The following OPHN1 variants were observed in gnomAD, a reference collection of about 807,000 sequenced individuals.
OPHN1 encodes the protein oligophrenin 1.
OPHN1 carries 11 observed loss-of-function variants against 60.7 expected under a neutral mutation model. That is an observed-to-expected ratio of 0.18 (90% CI 0.11 to 0.30). The LOEUF (loss-of-function observed/expected upper bound fraction) is 0.30. OPHN1 is among the 10% of genes least tolerant of loss of function. OPHN1 has a pLI of 1.00. For missense variants in OPHN1, 449 were observed against 611.0 expected, an observed-to-expected ratio of 0.73 and a Z score of 2.80; for synonymous variants, 226 against 222.6, an observed-to-expected ratio of 1.02 and a Z score of -0.14.
In OPHN1 at chrX:68,282,243, A is replaced by G. The variant is rs1212518241; in HGVS notation, c.312+813T>C. 5.1e-3 allele frequency among the ~76,000 whole-genome samples: 572 copies of G among 112,396 alleles called. 4 individuals carry two copies. The highest frequency in any genetic ancestry group is 0.018 in the African/African-American group (543 of 31,001). On this transcript the variant is annotated intron_variant, in intron 4 of 24. Transcript: ENST00000355520. ...TGGGATATTACTTAATGATAAAAATAAATGACAGGAAAATAAAATGCATAT... is the reference window on the plus strand; with the variant it reads ...TGGGATATTACTTAATGATAAAAATGAATGACAGGAAAATAAAATGCATAT...
In OPHN1 at chrX:68,046,049, T is replaced by G. The variant is rs956705718; in HGVS notation, c.*1123A>C. 25 of 105,981 alleles carry G rather than the reference T, an allele frequency of 2.4e-4. No individual in the cohort carries two copies. The highest frequency in any genetic ancestry group is 8.0e-4 in the African/African-American group (23 of 28,768). The allele number at this position is 105,981 out of a possible 1,213,427, so 8.7% of individuals were successfully genotyped here. ...TTATATGGATTGTAAAAAGAGTATT[T>G]TACTCAAGTGCTGTGGTTCTTGACT... On this transcript the variant is annotated 3_prime_UTR_variant, in exon 25 of 25. Coordinates refer to ENST00000355520, the MANE Select transcript of OPHN1 (RefSeq NM_002547.3).
At position 68,043,683 on chromosome X, in the gene OPHN1, TAA is replaced by T. The variant is rs2076823563; in HGVS notation, c.*3487_*3488del. On this transcript the variant is annotated 3_prime_UTR_variant, in exon 25 of 25. Transcript: ENST00000355520. The stretch of plus-strand genomic sequence containing the variant: ...TGACACTATAATTGAAATTAGATGC[TAA>T]GTTTTGTCCCTCAGTGGCTGAACAC... 2.7e-5 allele frequency: 3 copies of T among 112,388 alleles called. No homozygotes were observed. Among genetic ancestry groups the T allele is most frequent in the Admixed American group, 9.4e-5 (1 of 10,630 alleles). The allele number at this position is 112,388 out of a possible 1,213,427, so 9.3% of individuals were successfully genotyped here. A position where few individuals can be genotyped will look rare whatever the true frequency, so the allele number is the denominator to read the frequency against.
At chrX:68,324,093 C>T (rs2078247635) in intron 2 of OPHN1, among the ~76,000 whole-genome samples, 1 of 111,383 alleles carries the variant, frequency 9.0e-6, no homozygotes, top group African/African-American at 3.3e-5. Context: ...ACTGTATGGC[C>T]ATGCTAGCCA....
At chrX:68,271,575 G>A (rs2077969230) in intron 5 of OPHN1, among the ~76,000 whole-genome samples, 1 of 110,605 alleles carries the variant, frequency 9.0e-6, no homozygotes, top group South Asian at 3.8e-4. Flanking sequence ...TAACACTCCG[G>A]ATAGCAGAAT....
chrX:68,278,248 C>A lies in OPHN1; in HGVS notation c.313-3439G>T, dbSNP rs185669765. Among the ~76,000 whole-genome samples, 127 of 112,368 alleles carry A rather than the reference C, an allele frequency of 1.1e-3. 1 individual carries two copies. Among genetic ancestry groups the A allele is most frequent in the African/African-American group, 3.8e-3 (119 of 30,982 alleles). The stretch of plus-strand genomic sequence containing the variant: ...GAGACTTAGGAATGTAGAAAAAAGT[C>A]ACATTGAGGATTTCCTCTTTTTTCT... On this transcript the variant is annotated intron_variant, in intron 4 of 24. Coordinates refer to ENST00000355520, the MANE Select transcript of OPHN1 (RefSeq NM_002547.3).
chrX:68,239,720 AAC>A (rs1427556664), intron 5 of OPHN1, among the ~76,000 whole-genome samples: 1 of 111,964 alleles, frequency 8.9e-6, no homozygotes, highest in Non-Finnish European at 1.9e-5. Flanking sequence ...ATCTGCAAAT[AAC>A]ACCATGCTGT....
At position 68,088,416 on chromosome X, in the gene OPHN1, A is replaced by G. The variant is rs138632714; in HGVS notation, c.1686+8454T>C. Among the ~76,000 whole-genome samples, 142 of 112,084 alleles carry G rather than the reference A, an allele frequency of 1.3e-3. 4 individuals carry two copies. The East Asian group carries it at 0.036, about 28-fold the overall frequency. On this transcript the variant is annotated intron_variant, in intron 19 of 24. Transcript: ENST00000355520. Reference sequence around the variant, plus strand: ...AGCATGGATTGTGAGTTTTCTACTAAGAATGAGATGGCAGATTCCAAGTGC... The same window carrying G: ...AGCATGGATTGTGAGTTTTCTACTAGGAATGAGATGGCAGATTCCAAGTGC...
chrX:68,312,838 G>C (rs2078180245), intron 2 of OPHN1, among the ~76,000 whole-genome samples: 1 of 111,342 alleles, frequency 9.0e-6, no homozygotes, highest in South Asian at 3.8e-4. Flanking sequence ...GAGCACGGTG[G>C]CTCATGCTTA....
At chrX:68,230,529 G>A (rs1444141639) in intron 6 of OPHN1, among the ~76,000 whole-genome samples, 2 of 110,174 alleles carry the variant, frequency 1.8e-5, no homozygotes, top group East Asian at 5.8e-4. Context: ...ATCCATCAAT[G>A]ATAGACTGGA....
chrX:68,113,119 C>T, intron 17 of OPHN1, 62 bp downstream of exon 17: 1 of 999,450 alleles, frequency 1.0e-6, no homozygotes, highest in Non-Finnish European at 1.4e-6. Context: ...ATTTTCTAGG[C>T]TTATTGCAGT....
At chrX:68,264,741 C>T (rs1223337487) in intron 5 of OPHN1, among the ~76,000 whole-genome samples, 1 of 112,279 alleles carries the variant, frequency 8.9e-6, no homozygotes, top group Non-Finnish European at 1.9e-5. Context: ...TTGCCTCACC[C>T]GGGAAGTGCA....
chrX:68,234,054 A>G (rs2077740750), intron 6 of OPHN1, among the ~76,000 whole-genome samples: 1 of 90,719 alleles, frequency 1.1e-5, no homozygotes, highest in Non-Finnish European at 2.1e-5. Flanking sequence ...CCAGGTAAGC[A>G]GTAGTCCCAA....
intron 2 of OPHN1, among the ~76,000 whole-genome samples, chrX:68,398,140 T>G (rs771483381): frequency 1.8e-5 from 2 of 111,622 alleles, no homozygotes; most frequent in South Asian, 7.5e-4. Flanking sequence ...TGCCTTTTAT[T>G]TTTCTCCACC....
chrX:68,062,677 ATT>A (rs1341403171), intron 21 of OPHN1, among the ~76,000 whole-genome samples: 1 of 112,225 alleles, frequency 8.9e-6, no homozygotes, highest in African/African-American at 3.2e-5. Context: ...CAAATAAATT[ATT>A]CTTAACCATT....
chrX:68,069,632 A>G (rs2076925828), intron 20 of OPHN1, among the ~76,000 whole-genome samples: 1 of 110,504 alleles, frequency 9.0e-6, no homozygotes, highest in Non-Finnish European at 1.9e-5. Context: ...AATGGGAGAG[A>G]GAGATAATAA....
At chrX:68,226,677 T>C (rs931842613) in intron 6 of OPHN1, among the ~76,000 whole-genome samples, 46 of 111,324 alleles carry the variant, frequency 4.1e-4, no homozygotes, top group African/African-American at 1.4e-3. Context: ...GACAAGCAAA[T>C]GCTGAGAGAT....
At chrX:68,217,638 C>T (rs1301940129) in intron 6 of OPHN1, among the ~76,000 whole-genome samples, 1 of 110,123 alleles carries the variant, frequency 9.1e-6, no homozygotes, top group Non-Finnish European at 1.9e-5. Context: ...CCCAAGCAGC[C>T]TAACTGGGAG....
chrX:68,433,394 C>G lies in OPHN1; in HGVS notation c.-231G>C. 1 of 279,891 alleles carries G rather than the reference C, an allele frequency of 3.6e-6. No homozygotes were observed. Among genetic ancestry groups the G allele is most frequent in the Non-Finnish European group, 6.3e-6 (1 of 159,087 alleles). 23.1% of individuals were successfully genotyped at this position (279,891 alleles called of 1,213,427 possible). A position where few individuals can be genotyped will look rare whatever the true frequency, so the allele number is the denominator to read the frequency against. On this transcript the variant is annotated 5_prime_UTR_variant, in exon 1 of 25. Transcript: ENST00000355520. ...CGGATCCTTCCTGAGCAATTGCAAA[C>G]GTGACACTTGGGCCCGCCCAAGGTG...
At chrX:68,101,143 G>A (rs2077057152) in intron 18 of OPHN1, among the ~76,000 whole-genome samples, 1 of 111,845 alleles carries the variant, frequency 8.9e-6, no homozygotes, top group Admixed American at 9.5e-5. Context: ...AAGTCCATAC[G>A]ATGTCATGAA....
Sources: gnomAD v4.1 joint callset for allele counts (sites outside exome capture counted in the v4.1 genomes callset) on GRCh38, gnomAD v4.1.1 for gene constraint, MANE v1.5 for transcripts, NCBI Gene and HGNC (gene_info 2026-07-23, HGNC 2026-07-21) for gene names.